The following SHISA6 variants were observed in gnomAD, a reference collection of about 807,000 sequenced individuals.
The protein encoded by SHISA6 is protein shisa-6.
In SHISA6, 22 loss-of-function variants were observed where a neutral mutation model predicts 47.9. That is an observed-to-expected ratio of 0.46 (90% confidence interval 0.33 to 0.66). The LOEUF (loss-of-function observed/expected upper bound fraction) is 0.66. Among genes scored for constraint, SHISA6 ranks in the 30% least tolerant of loss-of-function variants. The pLI is 0.02. For missense variants in SHISA6, 680 were observed against 764.6 expected (o/e 0.89, Z 1.30); for synonymous variants, 388 against 337.8 (o/e 1.15, Z -1.63).
At chr17:11,294,677 A>G (rs1016665189) in intron 2 of SHISA6, among the ~76,000 whole-genome samples, 6 of 152,322 alleles carry the variant, frequency 3.9e-5, no homozygotes, top group African/African-American at 9.6e-5. Context: ...GGGGCTATGT[A>G]CGTTCCAAGA....
chr17:11,362,881 A>T (rs913618602), intron 2 of SHISA6, among the ~76,000 whole-genome samples: 27 of 152,292 alleles, frequency 1.8e-4, no homozygotes, highest in African/African-American at 5.5e-4. Flanking sequence ...CCTTTCCGTG[A>T]AACAAATTCT....
chr17:11,522,391 G>A (rs1041823763), intron 3 of SHISA6, among the ~76,000 whole-genome samples: 3 of 152,170 alleles, frequency 2.0e-5, no homozygotes, highest in African/African-American at 7.2e-5. Context: ...AGCCTCCTGA[G>A]TAGCTGGGAC....
chr17:11,277,280 TCACACACACACACA>T (rs113287260), intron 2 of SHISA6, among the ~76,000 whole-genome samples: 2 of 53,930 alleles, frequency 3.7e-5, no homozygotes, highest in South Asian at 2.2e-3. Context: ...TCTCTCTCTC[TCACACACACACACA>T]CACACACACA....
At chr17:11,263,203 C>G (rs565181974) in intron 1 of SHISA6, among the ~76,000 whole-genome samples, 163 bp from the exon 2 acceptor site, 8 of 152,276 alleles carry the variant, frequency 5.3e-5, no homozygotes, top group African/African-American at 1.4e-4. Flanking sequence ...TGTGTCCCCC[C>G]TGAGACCAAC....
intron 2 of SHISA6, among the ~76,000 whole-genome samples, chr17:11,276,822 T>A (rs1908916831): frequency 6.6e-6 from 1 of 152,196 alleles, no homozygotes. Context: ...TTATGACTCT[T>A]CATTCAGGAC....
At chr17:11,451,262 A>G (rs1915394753) in intron 3 of SHISA6, among the ~76,000 whole-genome samples, 1 of 152,120 alleles carries the variant, frequency 6.6e-6, no homozygotes, top group South Asian at 2.1e-4. Context: ...CCTACAATAC[A>G]CAAAGTGCTA....
intron 2 of SHISA6, chr17:11,289,379 A>G (rs1211263278): frequency 6.6e-6 from 1 of 151,806 alleles, no homozygotes; most frequent in East Asian, 1.9e-4. Context: ...CTCTATCATG[A>G]TTTTTCAGAG....
intron 3 of SHISA6, among the ~76,000 whole-genome samples, chr17:11,502,408 CAAAAAAAAAAA>C (rs33980148): frequency 2.6e-4 from 9 of 34,058 alleles, no homozygotes; most frequent in South Asian, 2.4e-3. Flanking sequence ...GACTCCGTCT[CAAAAAAAAAAA>C]AAAAAAAAAA....
intron 3 of SHISA6, among the ~76,000 whole-genome samples, chr17:11,451,423 G>C (rs1379249832): frequency 6.6e-6 from 1 of 152,158 alleles, no homozygotes; most frequent in Non-Finnish European, 1.5e-5. Context: ...ACGTTTATAT[G>C]TTCTGTGGAT....
At chr17:11,291,721 G>A (rs1909550634) in intron 2 of SHISA6, among the ~76,000 whole-genome samples, 1 of 152,006 alleles carries the variant, frequency 6.6e-6, no homozygotes. Context: ...CAAGATGTGG[G>A]CAGGGTGGGT....
At chr17:11,276,321 C>T (rs1220313531) in intron 2 of SHISA6, among the ~76,000 whole-genome samples, 2 of 151,816 alleles carry the variant, frequency 1.3e-5, no homozygotes, top group Admixed American at 1.3e-4. Flanking sequence ...GGGGAGGTGG[C>T]CTAGGAAGTG....
chr17:11,293,912 A>C (rs1271063866), intron 2 of SHISA6, among the ~76,000 whole-genome samples: 1 of 152,024 alleles, frequency 6.6e-6, no homozygotes, highest in Non-Finnish European at 1.5e-5. Context: ...TTTGAGATGG[A>C]GTCTCACTCT....
intron 3 of SHISA6, among the ~76,000 whole-genome samples, chr17:11,535,476 G>A (rs898292815): frequency 9.9e-5 from 15 of 152,190 alleles, no homozygotes; most frequent in African/African-American, 2.7e-4. Flanking sequence ...ACATTGCTCC[G>A]GGCTGAGTCA....
chr17:11,524,101 G>GAGAA (rs1168169872), intron 3 of SHISA6, among the ~76,000 whole-genome samples: 1 of 150,242 alleles, frequency 6.7e-6, no homozygotes, highest in Non-Finnish European at 1.5e-5. Context: ...AAGAAAGAAA[G>GAGAA]AGAAAGAAAG....
chr17:11,494,718 A>G (rs919838229), intron 3 of SHISA6, among the ~76,000 whole-genome samples: 2 of 152,238 alleles, frequency 1.3e-5, no homozygotes, highest in Non-Finnish European at 2.9e-5. Context: ...TTTTGGAAGG[A>G]AATTGTTGGA....
chr17:11,486,930 C>T (rs1308334677), intron 3 of SHISA6, among the ~76,000 whole-genome samples: 2 of 152,192 alleles, frequency 1.3e-5, no homozygotes, highest in Admixed American at 1.3e-4. Context: ...GCCAGCGAGG[C>T]CTGGGGGCCA....
chr17:11,441,060 G>C (rs1334564132), intron 3 of SHISA6, among the ~76,000 whole-genome samples: 1 of 152,108 alleles, frequency 6.6e-6, no homozygotes, highest in Admixed American at 6.5e-5. Flanking sequence ...CCTTCTCACA[G>C]AGCATCAGCC....
intron 3 of SHISA6, among the ~76,000 whole-genome samples, chr17:11,465,960 C>G (rs760760401): frequency 6.6e-6 from 1 of 152,140 alleles, no homozygotes; most frequent in Non-Finnish European, 1.5e-5. Context: ...CCCTCTACCA[C>G]CATCCCAAAG....
At chr17:11,318,827 T>C (rs975628) in intron 2 of SHISA6, among the ~76,000 whole-genome samples, 111,855 of 152,040 alleles carry the variant, frequency 0.74, 41,317 homozygotes, top group Middle Eastern at 0.77. Context: ...ATTATGTAAA[T>C]GACTTTGGAT....
Sources: gnomAD v4.1 joint callset for allele counts (sites outside exome capture counted in the v4.1 genomes callset) on GRCh38, gnomAD v4.1.1 for gene constraint, MANE v1.5 for transcripts, NCBI Gene and HGNC (gene_info 2026-07-23, HGNC 2026-07-21) for gene names.